PARP12: variants seen among roughly 807,000 people sequenced by gnomAD.
PARP12 encodes the protein protein mono-ADP-ribosyltransferase PARP12.
In PARP12, 59 loss-of-function variants were observed where a neutral mutation model predicts 72.4. The observed-to-expected ratio is 0.81, with a 90% CI of 0.66 to 1.01. The LOEUF is 1.01. Among genes scored for constraint, PARP12 ranks in the 50% least tolerant of loss-of-function variants. The probability of loss-of-function intolerance (pLI) is 0.00; values close to 1 mark genes in which losing one functional copy is unlikely to be tolerated. For missense variants in PARP12, 851 were observed against 914.0 expected (o/e 0.93, Z 0.89); for synonymous variants, 403 against 371.4 (o/e 1.09, Z -0.98).
At chr7:140,058,443 G>A (rs1326143281) in intron 1 of PARP12, among the ~76,000 whole-genome samples, 1 of 151,766 alleles carries the variant, frequency 6.6e-6, no homozygotes, top group Admixed American at 6.6e-5. Context: ...CCCGAGAGGC[G>A]GAGCTTGCAG....
chr7:140,025,872 G>T (rs1222963713), intron 11 of PARP12, among the ~76,000 whole-genome samples: 23 of 152,304 alleles, frequency 1.5e-4, no homozygotes, highest in Non-Finnish European at 1.0e-4. Context: ...AATAGTAAAG[G>T]CACAGTCAGG....
At chr7:140,038,941 C>T (rs879433319) in intron 6 of PARP12, among the ~76,000 whole-genome samples, 4 of 152,174 alleles carry the variant, frequency 2.6e-5, no homozygotes, top group South Asian at 2.1e-4. Context: ...GTGCTCTAGA[C>T]GCTGAGATGG....
intron 2 of PARP12, 154 bp from the exon 3 acceptor site, chr7:140,057,307 C>T (rs1467695286): frequency 1.9e-5 from 14 of 739,676 alleles, no homozygotes; most frequent in Non-Finnish European, 2.9e-5. Context: ...CTCTAGATGA[C>T]GGCTGCTAAC....
At position 140,041,791 on chromosome 7, in the gene PARP12, G is replaced by C; in HGVS notation, c.1035C>G (p.Asn345Lys). 6.2e-7 allele frequency: 1 copy of C among 1,614,130 alleles called. No individual in the cohort carries two copies. Among genetic ancestry groups the C allele is most frequent in the Non-Finnish European group, 8.5e-7 (1 of 1,180,012 alleles). ...SASTFHSHCLNFNAMTYGATQ... is the reference protein window; with the variant it reads ...SASTFHSHCLKFNAMTYGATQ... ...TAGCACCGTAAGTCATGGCGTTAAA[G>C]TTCAGACAATGAGAGTGAAAGGTAC... The change falls in exon 6 of 12, where the codon AAC (asparagine) becomes AAG (lysine). Residue 345 changes from asparagine to lysine, a missense_variant. Asn to Lys is a moderately conservative substitution (Grantham distance 94). Around this residue, in one of 3 missense-constraint regions of PARP12, gnomAD observed 492 missense variants for 489.3 expected, o/e 1.01. Coordinates refer to ENST00000263549, the MANE Select transcript of PARP12 (RefSeq NM_022750.4).
chr7:140,051,640 C>T (rs1816966576), intron 4 of PARP12, among the ~76,000 whole-genome samples: 1 of 152,162 alleles, frequency 6.6e-6, no homozygotes, highest in African/African-American at 2.4e-5. Flanking sequence ...ATCCACCTGC[C>T]TCGGCCTCTC....
chr7:140,056,816 C>T (rs936999459), intron 3 of PARP12, 40 bp downstream of exon 3: 14 of 1,534,470 alleles, frequency 9.1e-6, no homozygotes, highest in South Asian at 2.5e-5. Flanking sequence ...CAGGACCTCC[C>T]GTGCTCCCCA....
At chr7:140,047,917 T>A (rs1276434721) in intron 4 of PARP12, among the ~76,000 whole-genome samples, 1 of 152,176 alleles carries the variant, frequency 6.6e-6, no homozygotes, top group African/African-American at 2.4e-5. Flanking sequence ...CACCTGGCAA[T>A]TTTTTAGAAA....
intron 1 of PARP12, among the ~76,000 whole-genome samples, chr7:140,060,380 C>G (rs1817395337): frequency 6.6e-6 from 1 of 152,146 alleles, no homozygotes; most frequent in African/African-American, 2.4e-5. Flanking sequence ...AAGAACTGAC[C>G]CTGCGGTTCA....
chr7:140,058,772 T>C (rs1817305937), intron 1 of PARP12, among the ~76,000 whole-genome samples: 1 of 152,052 alleles, frequency 6.6e-6, no homozygotes, highest in Non-Finnish European at 1.5e-5. Flanking sequence ...CAGAAACACT[T>C]CCTGACAGTA....
At chr7:140,044,978 A>T (rs1816656955) in intron 5 of PARP12, among the ~76,000 whole-genome samples, 2 of 152,066 alleles carry the variant, frequency 1.3e-5, no homozygotes, top group Admixed American at 1.3e-4. Context: ...CGAATTTCTA[A>T]CCTCTAGGAT....
intron 4 of PARP12, among the ~76,000 whole-genome samples, chr7:140,051,468 G>A (rs963074253): frequency 8.6e-5 from 13 of 151,184 alleles, no homozygotes; most frequent in Non-Finnish European, 1.6e-4. Context: ...TCGGCTCACC[G>A]CAACCTCCAC....
chr7:140,044,906 T>C lies in PARP12; in HGVS notation c.986+1978A>G, dbSNP rs569128343. Reference sequence around the variant, plus strand: ...AGGAGAAGTGTGAGCAAAGGAATGGTGAGTAAGAAACAAAATGGTAATTGT... The same window carrying C: ...AGGAGAAGTGTGAGCAAAGGAATGGCGAGTAAGAAACAAAATGGTAATTGT... On this transcript the variant is annotated intron_variant, in intron 5 of 11. Coordinates refer to ENST00000263549, the MANE Select transcript of PARP12 (RefSeq NM_022750.4). 2.1e-4 allele frequency among the ~76,000 whole-genome samples: 32 copies of C among 152,226 alleles called. No individual in the cohort carries two copies. In the East Asian group the frequency reaches 2.3e-3, roughly 11 times the overall value.
chr7:140,056,286 G>A (rs1184531826), intron 3 of PARP12, among the ~76,000 whole-genome samples: 3 of 152,200 alleles, frequency 2.0e-5, no homozygotes, highest in South Asian at 4.1e-4. Context: ...TTCAACAAAT[G>A]TCAGAGTACC....
At chr7:140,056,383 G>A (rs1817177080) in intron 3 of PARP12, among the ~76,000 whole-genome samples, 1 of 152,190 alleles carries the variant, frequency 6.6e-6, no homozygotes, top group Non-Finnish European at 1.5e-5. Flanking sequence ...ACTTATTGAT[G>A]TCAGGAATAC....
At chr7:140,039,826 C>T (rs1270412215) in intron 6 of PARP12, among the ~76,000 whole-genome samples, 2 of 152,130 alleles carry the variant, frequency 1.3e-5, no homozygotes, top group Non-Finnish European at 1.5e-5. Context: ...GTTTCTACGC[C>T]CCCACTAGCA....
chr7:140,029,952 G>A (rs1313662030), intron 8 of PARP12, among the ~76,000 whole-genome samples: 1 of 152,232 alleles, frequency 6.6e-6, no homozygotes, highest in African/African-American at 2.4e-5. Context: ...TGAAGCTCTA[G>A]GAGAGGAGAG....
chr7:140,024,549 C>T lies in PARP12; in HGVS notation c.*11G>A, dbSNP rs765883022. 1 of 1,614,016 alleles carries T rather than the reference C, an allele frequency of 6.2e-7. No individual in the cohort carries two copies. Among genetic ancestry groups the T allele is most frequent in the South Asian group, 1.1e-5 (1 of 91,048 alleles). On this transcript the variant is annotated 3_prime_UTR_variant, in exon 12 of 12. Transcript: ENST00000263549. ...CAGAGCAGGTGAAAGGCCTGGAACA[C>T]TCCTGTGCGCTCACTGTCGGCTGCT... is the stretch of plus-strand genomic sequence containing the variant.
chr7:140,031,422 T>C (rs970196688), intron 8 of PARP12, among the ~76,000 whole-genome samples: 2 of 152,228 alleles, frequency 1.3e-5, no homozygotes, highest in African/African-American at 2.4e-5. Context: ...ATGACACTCC[T>C]GTATTATGAC....
intron 1 of PARP12, among the ~76,000 whole-genome samples, chr7:140,058,756 A>G (rs1192612957): frequency 6.6e-6 from 1 of 152,056 alleles, no homozygotes; most frequent in Non-Finnish European, 1.5e-5. Flanking sequence ...CTTCATGACA[A>G]TTTTTCAGAA....
Sources: gnomAD v4.1 joint callset for allele counts (sites outside exome capture counted in the v4.1 genomes callset) on GRCh38, gnomAD v4.1.1 for gene constraint, gnomAD v4.1.1 regional missense constraint, MANE v1.5 for transcripts, NCBI Gene and HGNC (gene_info 2026-07-23, HGNC 2026-07-21) for gene names.